The following TMEM255B variants were observed in gnomAD, a reference collection of about 807,000 sequenced individuals.
TMEM255B encodes transmembrane protein 255B, also known as family with sequence similarity 70, member B.
A neutral mutation model predicts 34.5 loss-of-function variants in TMEM255B; 35 were observed. That is an observed-to-expected ratio of 1.01 (90% CI 0.77 to 1.34). TMEM255B has a LOEUF of 1.34. TMEM255B is among the 40% of genes most tolerant of loss of function. The pLI is 0.00. For missense variants in TMEM255B, 432 were observed against 433.2 expected (o/e 1.00, Z 0.02); for synonymous variants, 206 against 201.2 (o/e 1.02, Z -0.20).
chr13:113,797,321 C>T (rs972667291), intron 4 of TMEM255B, among the ~76,000 whole-genome samples: 10 of 152,344 alleles, frequency 6.6e-5, no homozygotes, highest in South Asian at 6.2e-4. Flanking sequence ...GGCACTGCCT[C>T]GTGTGCTGCT....
chr13:113,812,910 C>T lies in TMEM255B; in HGVS notation c.*1007C>T, dbSNP rs115793156. 7,150 of 91,642 alleles carry T rather than the reference C, an allele frequency of 0.078. 1,170 individuals carry two copies. Among genetic ancestry groups the T allele is most frequent in the African/African-American group, 0.15 (2,762 of 17,992 alleles). The allele number at this position is 91,642 out of a possible 1,614,324, so 5.7% of individuals were successfully genotyped here. The stretch of plus-strand genomic sequence containing the variant: ...TCACAGGCCCCGGGTGAGTCACAGG[C>T]CCCGGGTGAGTCACGGGTCCCGGGT... On this transcript the variant is annotated 3_prime_UTR_variant, in exon 9 of 9. Coordinates refer to ENST00000375353, the MANE Select transcript of TMEM255B (RefSeq NM_182614.4).
chr13:113,774,606 C>T (rs1469002801), intron 3 of TMEM255B, among the ~76,000 whole-genome samples: 1 of 147,162 alleles, frequency 6.8e-6, no homozygotes, highest in Non-Finnish European at 1.5e-5. Context: ...AAATGACACA[C>T]ACCACACAAT....
intron 6 of TMEM255B, among the ~76,000 whole-genome samples, chr13:113,801,129 C>T (rs2051051951): frequency 6.6e-6 from 1 of 152,210 alleles, no homozygotes; most frequent in Admixed American, 6.5e-5. Flanking sequence ...CCTGCACCTA[C>T]ATCGTCTCCT....
chr13:113,799,406 T>C lies in TMEM255B; in HGVS notation c.410T>C (p.Val137Ala). Residue 137 changes from valine to alanine, a missense_variant, in exon 5 of 9, where the codon GTC (valine) becomes GCC (alanine). Physicochemically the swap from Val to Ala is moderately conservative, Grantham distance 64 (BLOSUM62 0). Coordinates refer to ENST00000375353, the MANE Select transcript of TMEM255B (RefSeq NM_182614.4). ...AGTGGGGTGGGGTACTTGTACGATG[T>C]CTACCAGACAGAGGTGAGCAGGAGC... ...YSSGVGYLYDVYQTEVTCHSL... is the reference protein window; with the variant it reads ...YSSGVGYLYDAYQTEVTCHSL... 1 of 1,614,156 alleles carries C rather than the reference T, an allele frequency of 6.2e-7. No individual in the cohort carries two copies. Among genetic ancestry groups the C allele is most frequent in the Non-Finnish European group, 8.5e-7 (1 of 1,180,006 alleles).
At position 113,795,223 on chromosome 13, in the gene TMEM255B, G is replaced by A. The variant is rs2050900369; in HGVS notation, c.328G>A (p.Ala110Thr). The A allele has an allele frequency of 1.2e-6, 2 of 1,613,742 alleles. No individual in the cohort carries two copies. Among genetic ancestry groups the A allele is most frequent in the Non-Finnish European group, 1.7e-6 (2 of 1,179,942 alleles). The stretch of plus-strand genomic sequence containing the variant: ...CTGCGCCATCGTGGACGGCGTATTT[G>A]CAGCACAGCACATTGTGAGTACATT... ...FCCAIVDGVF[A>T]AQHIEPRPLT... Residue 110 changes from alanine (A) to threonine (T), a missense_variant, in exon 4 of 9, where the codon GCA becomes ACA. Physicochemically the swap from Ala to Thr is moderately conservative, Grantham distance 58. Coordinates refer to ENST00000375353, the MANE Select transcript of TMEM255B (RefSeq NM_182614.4).
chr13:113,768,254 GC>G (rs1182602763), intron 2 of TMEM255B: 2 of 468,884 alleles, frequency 4.3e-6, no homozygotes, highest in Non-Finnish European at 8.9e-6. Flanking sequence ...GCTGCTCTGA[GC>G]CAGATTTTCG....
intron 8 of TMEM255B, among the ~76,000 whole-genome samples, chr13:113,809,340 AACTCTGTGGTTCCTGGGGGGAGGGGTT>A (rs2051255988): frequency 4.2e-5 from 1 of 23,646 alleles, no homozygotes; most frequent in South Asian, 3.4e-3. Context: ...CCGGGGGTTT[AACTCTGTGGTTCCTGGGGGGAGGGGTT>A]ACTCTGTGGT....
chr13:113,761,302 C>A, intron 1 of TMEM255B: 1 of 985,238 alleles, frequency 1.0e-6, no homozygotes, highest in South Asian at 4.7e-5. Flanking sequence ...GGAAATGGGT[C>A]TGAGGGGCAG....
intron 2 of TMEM255B, 170 bp from the exon 3 acceptor site, chr13:113,768,928 G>A (rs540305923): frequency 5.3e-5 from 38 of 717,958 alleles, no homozygotes; most frequent in African/African-American, 5.2e-4. Flanking sequence ...CCTGCCCAAC[G>A]CCAGCAGACG....
Position 113,799,355 on chromosome 13 carries a change from C to T in TMEM255B, c.359C>T (p.Thr120Ile). The change falls in exon 5 of 9, where the codon ACC becomes ATC. Residue 120 changes from threonine to isoleucine, a missense_variant. Transcript: ENST00000375353. ...AAQHIEPRPL[T>I]TGRCQFYSSG... ...TTTCTCTAGGAACCGAGGCCCCTCA[C>T]CACGGGAAGATGCCAGTTTTACTCC... 6.2e-7 allele frequency: 1 copy of T among 1,614,112 alleles called. No homozygotes were observed. The highest frequency in any genetic ancestry group is 1.1e-5 in the South Asian group (1 of 91,072).
rs540349360 is a variant in TMEM255B at position 113,770,632 on chromosome 13, G to A, written c.252+1472G>A. ...TCTTGGCTAGCAGTTGCAAAGAGAC[G>A]GAGAGATAGGCCCGGCATTTCCTCT... On this transcript the variant is annotated intron_variant, in intron 3 of 8. Transcript: ENST00000375353. The surrounding 1 kb of genome is among the most constrained non-coding windows in gnomAD (Gnocchi z 4.6). 5.9e-5 allele frequency among the ~76,000 whole-genome samples: 9 copies of A among 152,322 alleles called. No individual in the cohort carries two copies. The highest frequency in any genetic ancestry group is 1.4e-4 in the African/African-American group (6 of 41,572).
rs2051382774 is a variant in TMEM255B, at chr13:113,814,557, G to A, written c.*2654G>A. ...TTCGTGGTGGCTGGAGGGTCCCCCA[G>A]GTCCCAGGGCAGCTCCCACCTGGCG... On this transcript the variant is annotated 3_prime_UTR_variant, in exon 9 of 9. Coordinates refer to ENST00000375353, the MANE Select transcript of TMEM255B (RefSeq NM_182614.4). 6.6e-6 allele frequency: 1 copy of A among 152,222 alleles called. No homozygotes were observed. Among genetic ancestry groups the A allele is most frequent in the Non-Finnish European group, 1.5e-5 (1 of 68,060 alleles). The allele number at this position is 152,222 out of a possible 1,614,324, so 9.4% of individuals were successfully genotyped here. A position where few individuals can be genotyped will look rare whatever the true frequency, so the allele number is the denominator to read the frequency against.
intron 3 of TMEM255B, among the ~76,000 whole-genome samples, chr13:113,791,650 C>T (rs2050833936): frequency 6.6e-6 from 1 of 152,232 alleles, no homozygotes; most frequent in African/African-American, 2.4e-5. Flanking sequence ...AGAGCCGCAC[C>T]TGCAAAATGC....
intron 2 of TMEM255B, among the ~76,000 whole-genome samples, chr13:113,767,815 TGTG>T (rs1416326436): frequency 6.6e-6 from 1 of 152,180 alleles, no homozygotes; most frequent in Non-Finnish European, 1.5e-5. Flanking sequence ...TCAAGAAAGG[TGTG>T]GTTTTTTTCA....
intron 2 of TMEM255B, 144 bp from the exon 3 acceptor site, chr13:113,768,954 G>T (rs761183354): frequency 1.2e-6 from 1 of 826,394 alleles, no homozygotes; most frequent in South Asian, 1.4e-5. Flanking sequence ...GCTGCTCAGT[G>T]GTTGAGGTTC....
At chr13:113,807,461 G>GA (rs1471232416) in intron 8 of TMEM255B, among the ~76,000 whole-genome samples, 9 of 138,178 alleles carry the variant, frequency 6.5e-5, no homozygotes, top group East Asian at 2.3e-4. Context: ...ACGGGATGTG[G>GA]GGGTGGTCCT....
intron 3 of TMEM255B, among the ~76,000 whole-genome samples, chr13:113,791,707 C>G (rs901039470): frequency 2.0e-5 from 3 of 152,210 alleles, no homozygotes. Context: ...AAGGATGGGT[C>G]GAGCGAAAGA....
rs1480036371 is a variant in TMEM255B, at chr13:113,816,725, A to AC, written c.*4823dup. ...CCGGGGCCCGTCAGCAGATCCTCAG[A>AC]CGGCGACACGCGCCACTTCCTTTTC... On this transcript the variant is annotated 3_prime_UTR_variant, in exon 9 of 9. Transcript: ENST00000375353. 1 of 152,204 alleles carries AC rather than the reference A, an allele frequency of 6.6e-6. No homozygotes were observed. The highest frequency in any genetic ancestry group is 1.5e-5 in the Non-Finnish European group (1 of 68,046). The allele number at this position is 152,204 out of a possible 1,614,324, so 9.4% of individuals were successfully genotyped here. A position where few individuals can be genotyped will look rare whatever the true frequency, so the allele number is the denominator to read the frequency against.
intron 5 of TMEM255B, 116 bp downstream of exon 5, chr13:113,799,535 G>T: frequency 2.1e-6 from 2 of 955,232 alleles, no homozygotes; most frequent in South Asian, 1.5e-5. Flanking sequence ...AGTTCCTGGG[G>T]GTCACCCCTG....
Sources: gnomAD v4.1 joint callset for allele counts (sites outside exome capture counted in the v4.1 genomes callset) on GRCh38, gnomAD v4.1.1 for gene constraint, Gnocchi (gnomAD v3.1) non-coding constraint, MANE v1.5 for transcripts, NCBI Gene and HGNC (gene_info 2026-07-23, HGNC 2026-07-21) for gene names.